Variants in TNFSF8 observed in about 807,000 individuals in gnomAD.
The protein encoded by TNFSF8 is tumor necrosis factor ligand superfamily member 8.
TNFSF8 carries 4 observed loss-of-function variants against 22.0 expected under a neutral mutation model. That is an observed-to-expected ratio of 0.18 (90% CI 0.09 to 0.42). The LOEUF is 0.42. Among genes scored for constraint, TNFSF8 ranks in the 10% least tolerant of loss-of-function variants. The pLI is 1.00. For missense variants in TNFSF8, 233 were observed against 281.8 expected (o/e 0.83, Z 1.24); for synonymous variants, 106 against 112.5 (o/e 0.94, Z 0.37).
chr9:114,917,384 C>T (rs368581506), intron 2 of TNFSF8, among the ~76,000 whole-genome samples: 29 of 152,256 alleles, frequency 1.9e-4, no homozygotes, highest in Admixed American at 8.5e-4. Flanking sequence ...TGACCTTGGA[C>T]GAGATACTTC....
intron 1 of TNFSF8, 105 bp from the exon 2 acceptor site, chr9:114,918,243 C>T: frequency 1.1e-6 from 1 of 899,886 alleles, no homozygotes; most frequent in Non-Finnish European, 1.6e-6. Flanking sequence ...GTGCAATTTA[C>T]AATTCATCCT....
At chr9:114,896,510 C>T (rs10982443), downstream of TNFSF8, among the ~76,000 whole-genome samples, 10,453 of 152,178 alleles carry the variant, frequency 0.069, 609 homozygotes, top group African/African-American at 0.16. Flanking sequence ...ATGTTCTCAC[C>T]TCAAAGAAAT....
Position 114,930,113 on chromosome 9 carries a change from C to A in TNFSF8, c.191G>T (p.Arg64Met). 1 of 1,484,166 alleles carries A rather than the reference C, an allele frequency of 6.7e-7. No individual in the cohort carries two copies. The highest frequency in any genetic ancestry group is 9.0e-7 in the Non-Finnish European group (1 of 1,109,374). The allele number at this position is 1,484,166 out of a possible 1,614,324, so 91.9% of individuals were successfully genotyped here. A position where few individuals can be genotyped will look rare whatever the true frequency, so the allele number is the denominator to read the frequency against. ...VATIMVLVVQ[R>M]TDSIPNSPDN... Reference sequence around the variant, plus strand: ...GAGGAAGAGGAGTCCACTTACCGTCCTCTGAACGACCAACACCATAATAGT... The same window carrying A: ...GAGGAAGAGGAGTCCACTTACCGTCATCTGAACGACCAACACCATAATAGT... Residue 64 changes from arginine to methionine, a missense_variant, in exon 1 of 4, where the codon AGG (arginine) becomes ATG (methionine). Physicochemically the swap from Arg to Met is moderately conservative, Grantham distance 91 (BLOSUM62 -1). Transcript: ENST00000223795.
At chr9:114,924,974 C>T (rs1392072087) in intron 1 of TNFSF8, among the ~76,000 whole-genome samples, 1 of 152,098 alleles carries the variant, frequency 6.6e-6, no homozygotes, top group Non-Finnish European at 1.5e-5. Context: ...GAGGGAGTAC[C>T]TTGGGTAGTG....
downstream of TNFSF8, among the ~76,000 whole-genome samples, chr9:114,897,197 G>A (rs1044447105): frequency 4.6e-5 from 7 of 151,884 alleles, no homozygotes; most frequent in Admixed American, 6.6e-5. Context: ...CACTGTCCCC[G>A]GCCTGAAAAT....
intron 2 of TNFSF8, among the ~76,000 whole-genome samples, chr9:114,917,127 G>A (rs151235968): frequency 3.5e-4 from 53 of 152,336 alleles, no homozygotes; most frequent in African/African-American, 1.2e-3. Flanking sequence ...GTGTGATGCT[G>A]TGAGTGTGAG....
downstream of TNFSF8, among the ~76,000 whole-genome samples, chr9:114,897,743 T>A (rs998270657): frequency 6.6e-6 from 1 of 151,928 alleles, no homozygotes. Flanking sequence ...AGGAGTGCAA[T>A]GTGATTTGAT....
In TNFSF8 at chr9:114,929,874, C is replaced by CAT. The variant is rs10535780; in HGVS notation, c.195+233_195+234dup. On this transcript the variant is annotated intron_variant, in intron 1 of 3. Coordinates refer to ENST00000223795, the MANE Select transcript of TNFSF8 (RefSeq NM_001244.4). Reference sequence around the variant, plus strand: ...GTTCCTCTTTCTTTTCTCCCTTTCTCATATATATATATATATATAATATAT... The same window carrying CAT: ...GTTCCTCTTTCTTTTCTCCCTTTCTCATATATATATATATATATATAATATAT... Among the ~76,000 whole-genome samples, 325 of 145,108 alleles carry CAT rather than the reference C, an allele frequency of 2.2e-3. 4 individuals are homozygous for CAT. In the East Asian group the frequency reaches 0.029, roughly 13 times the overall value.
chr9:114,919,402 G>A (rs1246655598), intron 1 of TNFSF8, among the ~76,000 whole-genome samples: 1 of 152,116 alleles, frequency 6.6e-6, no homozygotes, highest in South Asian at 2.1e-4. Context: ...ACTAAAGGGA[G>A]GTTCTAGTTC....
At chr9:114,900,491 G>C (rs1827703954), downstream of TNFSF8, among the ~76,000 whole-genome samples, 1 of 152,172 alleles carries the variant, frequency 6.6e-6, no homozygotes, top group Admixed American at 6.5e-5. Flanking sequence ...CACCAGCCTT[G>C]ATAGGGCCTC....
intron 2 of TNFSF8, among the ~76,000 whole-genome samples, chr9:114,917,591 T>A (rs1290519645): frequency 6.6e-6 from 1 of 152,218 alleles, no homozygotes; most frequent in Non-Finnish European, 1.5e-5. Flanking sequence ...TCACAAGTCC[T>A]TGACTTCATT....
chr9:114,902,903 T>G lies in TNFSF8; in HGVS notation c.*1028A>C. ...TTTTGTATACAAGTTTAATTTCTCA[T>G]ACCAGAAGCCGGGCTTAGTCACCCT... On this transcript the variant is annotated 3_prime_UTR_variant, in exon 4 of 4. Transcript: ENST00000223795. 1.7e-5 allele frequency: 6 copies of G among 345,554 alleles called. No individual in the cohort carries two copies. The highest frequency in any genetic ancestry group is 2.0e-5 in the Non-Finnish European group (5 of 245,036). The allele number at this position is 345,554 out of a possible 1,614,324, so 21.4% of individuals were successfully genotyped here.
chr9:114,903,628 A>G lies in TNFSF8; in HGVS notation c.*303T>C. On this transcript the variant is annotated 3_prime_UTR_variant, in exon 4 of 4. Coordinates refer to ENST00000223795, the MANE Select transcript of TNFSF8 (RefSeq NM_001244.4). Reference sequence around the variant, plus strand: ...GAGGCTCTCAAAACAGAAGAAATAGATCAAGACCATACAGTGAATTAGAGG... The same window carrying G: ...GAGGCTCTCAAAACAGAAGAAATAGGTCAAGACCATACAGTGAATTAGAGG... 1 of 954,488 alleles carries G rather than the reference A, an allele frequency of 1.0e-6. No individual in the cohort carries two copies. Among genetic ancestry groups the G allele is most frequent in the Non-Finnish European group, 1.3e-6 (1 of 780,706 alleles). The allele number at this position is 954,488 out of a possible 1,614,324, so 59.1% of individuals were successfully genotyped here.
At chr9:114,901,064 G>A, downstream of TNFSF8, 2 of 985,302 alleles carry the variant, frequency 2.0e-6, no homozygotes, top group Non-Finnish European at 2.4e-6. Context: ...TGGTGGGGAG[G>A]TGGGGTTCAG....
rs753232916 is a variant in TNFSF8 at position 114,930,194 on chromosome 9, C to G, written c.110G>C (p.Ser37Thr). 3 of 1,605,406 alleles carry G rather than the reference C, an allele frequency of 1.9e-6. No individual in the cohort carries two copies. Among genetic ancestry groups the G allele is most frequent in the African/African-American group, 2.7e-5 (2 of 74,334 alleles). ...AGTGGCTGTGGTCAAATAGAAATAG[C>G]TGCGGCTCGTGGTCCCCAGGTGGCT... ...VASHLGTTSR[S>T]YFYLTTATLA... The change falls in exon 1 of 4, where the codon AGC (serine) becomes ACC (threonine). Residue 37 changes from serine to threonine, a missense_variant. Transcript: ENST00000223795.
chr9:114,894,748 C>G (rs920072545), intron 4 of TNFSF8, among the ~76,000 whole-genome samples: 1 of 152,102 alleles, frequency 6.6e-6, no homozygotes, highest in Non-Finnish European at 1.5e-5. Flanking sequence ...TATCTATTTA[C>G]GTAACATAAA....
chr9:114,896,971 C>T (rs1197766436), downstream of TNFSF8, among the ~76,000 whole-genome samples: 2 of 152,156 alleles, frequency 1.3e-5, no homozygotes, highest in African/African-American at 2.4e-5. Flanking sequence ...GGTGCAATCT[C>T]GGCTCACTGC....
At chr9:114,912,949 C>T (rs1339198430) in intron 2 of TNFSF8, among the ~76,000 whole-genome samples, 3 of 152,146 alleles carry the variant, frequency 2.0e-5, no homozygotes, top group Non-Finnish European at 2.9e-5. Context: ...TTAAAGTGGT[C>T]AAAGAATCCT....
downstream of TNFSF8, among the ~76,000 whole-genome samples, chr9:114,897,739 G>GT (rs1827671242): frequency 6.6e-6 from 1 of 152,066 alleles, no homozygotes; most frequent in Admixed American, 6.5e-5. Context: ...TGGAAGGAGT[G>GT]CAATGTGATT....
Sources: allele counts gnomAD v4.1 joint callset (sites outside exome capture counted in the v4.1 genomes callset), GRCh38; gene constraint gnomAD v4.1.1; transcripts MANE v1.5; gene names NCBI Gene and HGNC (gene_info 2026-07-23, HGNC 2026-07-21).